The following RRP36 variants were observed in gnomAD, a reference collection of about 807,000 sequenced individuals.
RRP36 encodes ribosomal RNA processing protein 36 homolog.
A neutral mutation model predicts 39.8 loss-of-function variants in RRP36; 44 were observed. The observed-to-expected ratio is 1.10, with a 90% confidence interval of 0.87 to 1.42. The LOEUF is 1.42. Ranked by LOEUF, RRP36 falls within the 40% of genes most tolerant of loss-of-function variation. The pLI, the probability that RRP36 is intolerant of heterozygous loss-of-function variation, is 0.00. For synonymous variants in RRP36, 124 were observed against 123.1 expected (o/e 1.01, Z -0.05); for missense variants, 316 against 322.4 (o/e 0.98, Z 0.15).
chr6:43,025,263 G>A lies in RRP36; in HGVS notation c.279G>A (p.Arg93=), dbSNP rs770635700. ...GACTTGGCTTTTAATTTCTCCATAG[G>A]CCTCTGGAAATGTCAGCCAAGATCC... The part of the protein sequence containing the change: ...IQNACVADKH[R]PLEMSAKIRV... Residue 93 remains arginine (R), a splice_region_variant and synonymous_variant, in exon 3 of 7, where the codon AGG becomes AGA. Transcript: ENST00000244496. 1.2e-6 allele frequency: 2 copies of A among 1,614,100 alleles called. No individual in the cohort carries two copies. The highest frequency in any genetic ancestry group is 1.7e-6 in the Non-Finnish European group (2 of 1,180,024).
intron 6 of RRP36, among the ~76,000 whole-genome samples, chr6:43,028,696 A>G (rs1260081728): frequency 1.3e-5 from 2 of 151,478 alleles, no homozygotes; most frequent in African/African-American, 4.9e-5. Flanking sequence ...CACGCCTGTA[A>G]TCCCAGCACT....
At position 43,026,117 on chromosome 6, in the gene RRP36, T is replaced by C; in HGVS notation, c.426T>C (p.Asn142=). The change falls in exon 4 of 7, where the codon AAT becomes AAC. Residue 142 remains asparagine, a synonymous_variant. Transcript: ENST00000244496. ...TTGACAAAACATACCAATTCTTGAA[T>C]GACATCCGAGCGAAAGAGAAAGAGG... ...EVFDKTYQFL[N]DIRAKEKELV... 6.2e-7 allele frequency: 1 copy of C among 1,613,690 alleles called. No individual in the cohort carries two copies.
At chr6:43,023,633 A>G (rs552687668) in intron 1 of RRP36, among the ~76,000 whole-genome samples, 22 of 151,836 alleles carry the variant, frequency 1.4e-4, no homozygotes, top group Non-Finnish European at 3.1e-4. Flanking sequence ...CGGAGGTTGC[A>G]GTGAGCCGAG....
intron 1 of RRP36, among the ~76,000 whole-genome samples, chr6:43,023,480 G>A (rs1280297818): frequency 6.6e-6 from 1 of 151,970 alleles, no homozygotes; most frequent in Non-Finnish European, 1.5e-5. Flanking sequence ...CGGATCACAA[G>A]GTCAGGAGAT....
At chr6:43,025,916 G>A (rs1359284638) in intron 3 of RRP36, 121 bp from the exon 4 acceptor site, 4 of 641,458 alleles carry the variant, frequency 6.2e-6, no homozygotes, top group Non-Finnish European at 1.1e-5. Flanking sequence ...CTGGGCGACA[G>A]AGCGAGACTG....
Position 43,021,774 on chromosome 6 carries a change from C to T in RRP36, c.120C>T (p.Asp40=), listed in dbSNP as rs1348019389. The change falls in exon 1 of 7, where the codon GAC becomes GAT. Residue 40 remains aspartate (D), a synonymous_variant. Transcript: ENST00000244496. ...TGGAGCCCGCGGCCGTGGCCCGCGA[C>T]CTATTGAGGGGTGAGGGCATGGGGC... is the stretch of plus-strand genomic sequence containing the variant. ...GGLEPAAVAR[D]LLRGTSNMSF... The T allele has an allele frequency of 2.5e-6, 3 of 1,219,480 alleles. No individual in the cohort carries two copies. The highest frequency in any genetic ancestry group is 1.6e-5 in the African/African-American group (1 of 63,866). 75.5% of individuals were successfully genotyped at this position (1,219,480 alleles called of 1,614,324 possible).
Position 43,021,691 on chromosome 6 carries a change from G to GGGGCCC in RRP36, c.42_43insCGGGCC (p.Ala14_Gly15insArgAla). The GGGGCCC allele has an allele frequency of 8.1e-7, 1 of 1,238,600 alleles. No individual in the cohort carries two copies. Among genetic ancestry groups the GGGGCCC allele is most frequent in the Middle Eastern group, 3.1e-4 (1 of 3,200 alleles). 76.7% of individuals were successfully genotyped at this position (1,238,600 alleles called of 1,614,324 possible). ...TAACTACCGCGCCGGGGCCGGGGCC[G>GGGGCCC]GGGCCGGGGCCCGACGTCCCCGCGG... is the stretch of plus-strand genomic sequence containing the variant. On this transcript the variant is annotated inframe_insertion, in exon 1 of 7. Transcript: ENST00000244496.
At chr6:43,024,162 G>T (rs865900894) in intron 1 of RRP36, among the ~76,000 whole-genome samples, 1 of 151,972 alleles carries the variant, frequency 6.6e-6, no homozygotes, top group African/African-American at 2.4e-5. Context: ...ACGAGGGGTC[G>T]CAATTTTAAA....
In RRP36 at chr6:43,028,290, G is replaced by A. The variant is rs894251117; in HGVS notation, c.644-802G>A. ...GGTTGCAGAAAGCCTAGATTGCACT[G>A]TTGTACTCCAGCCTGGGCAACAGCG... On this transcript the variant is annotated intron_variant, in intron 6 of 6. Transcript: ENST00000244496. Among the ~76,000 whole-genome samples, 9 of 151,778 alleles carry A rather than the reference G, an allele frequency of 5.9e-5. 1 individual carries two copies. The highest frequency in any genetic ancestry group is 8.8e-5 in the Non-Finnish European group (6 of 67,916).
intron 1 of RRP36, among the ~76,000 whole-genome samples, chr6:43,022,757 C>G (rs571781911): frequency 1.3e-5 from 2 of 151,680 alleles, no homozygotes; most frequent in East Asian, 3.9e-4. Context: ...CTCAGCCTCC[C>G]GAGTAGTGGG....
intron 6 of RRP36, among the ~76,000 whole-genome samples, chr6:43,027,800 A>T (rs1024370327): frequency 1.9e-5 from 2 of 103,742 alleles, no homozygotes; most frequent in Non-Finnish European, 3.9e-5. Flanking sequence ...CACACACACA[A>T]ACACAGAGTC....
Position 43,029,225 on chromosome 6 carries a change from G to A in RRP36, c.777G>A (p.Glu259=). 1.2e-6 allele frequency: 2 copies of A among 1,614,186 alleles called. No homozygotes were observed. Among genetic ancestry groups the A allele is most frequent in the Non-Finnish European group, 8.5e-7 (1 of 1,180,014 alleles). Residue 259 remains glutamate, a synonymous_variant, in exon 7 of 7, where the codon GAG becomes GAA. Transcript: ENST00000244496. ...GGAGACATCTCCCTTTGAGCAAAGA[G>A]TAATAAGGAACTATCCTCTGCTCTG... ...KDRRHLPLSK[E]
At chr6:43,025,702 T>C (rs1326938757) in intron 3 of RRP36, among the ~76,000 whole-genome samples, 1 of 145,288 alleles carries the variant, frequency 6.9e-6, no homozygotes, top group East Asian at 2.0e-4. Context: ...AAGGCCAAGG[T>C]GGGCGAATCA....
Position 43,026,135 on chromosome 6 carries a change from G to C in RRP36, c.444G>C (p.Glu148Asp), listed in dbSNP as rs1561863286. 1.2e-6 allele frequency: 2 copies of C among 1,611,832 alleles called. No homozygotes were observed. Among genetic ancestry groups the C allele is most frequent in the South Asian group, 2.2e-5 (2 of 91,022 alleles). ...YQFLNDIRAK[E>D]KELVKKQLKK... ...TCTTGAATGACATCCGAGCGAAAGAGAAAGAGGTATACAGCTTGAGACTGG... is the reference window on the plus strand; with the variant it reads ...TCTTGAATGACATCCGAGCGAAAGACAAAGAGGTATACAGCTTGAGACTGG... The change falls in exon 4 of 7, where the codon GAG becomes GAC. Residue 148 changes from glutamate (E) to aspartate (D), a missense_variant. By Grantham distance (45) the Glu-to-Asp change is conservative (BLOSUM62 2). Transcript: ENST00000244496.
chr6:43,024,989 A>G lies in RRP36; in HGVS notation c.135A>G (p.Thr45=). 2 of 1,613,890 alleles carry G rather than the reference A, an allele frequency of 1.2e-6. No individual in the cohort carries two copies. The highest frequency in any genetic ancestry group is 3.3e-5 in the Admixed American group (2 of 60,014). Residue 45 remains threonine, a synonymous_variant, in exon 2 of 7, where the codon ACA becomes ACG. Coordinates refer to ENST00000244496, the MANE Select transcript of RRP36 (RefSeq NM_033112.4). The stretch of plus-strand genomic sequence containing the variant: ...TGTCCCTCCCCACTTCCACAGGCAC[A>G]TCTAACATGTCATTTGAGGAGCTGT... ...AAVARDLLRG[T]SNMSFEELLE...
In RRP36 at chr6:43,026,267, T is replaced by A; in HGVS notation, c.450+126T>A. On this transcript the variant is annotated intron_variant, in intron 4 of 6. Transcript: ENST00000244496. ...CAGATTTAACTCTCTCCAATTCAGT[T>A]CATATTCAAATCCTGGCTCATCAGT... 3 of 570,544 alleles carry A rather than the reference T, an allele frequency of 5.3e-6. 1 individual carries two copies. The highest frequency in any genetic ancestry group is 9.5e-6 in the Non-Finnish European group (3 of 316,836). 35.3% of individuals were successfully genotyped at this position (570,544 alleles called of 1,614,324 possible). A position where few individuals can be genotyped will look rare whatever the true frequency, so the allele number is the denominator to read the frequency against.
rs978086520 is a variant in RRP36 at position 43,028,977 on chromosome 6, T to C, written c.644-115T>C. 2.5e-5 allele frequency: 34 copies of C among 1,363,546 alleles called. 1 individual carries two copies. Among genetic ancestry groups the C allele is most frequent in the Non-Finnish European group, 2.9e-5 (29 of 992,678 alleles). 84.5% of individuals were successfully genotyped at this position (1,363,546 alleles called of 1,614,324 possible). A position where few individuals can be genotyped will look rare whatever the true frequency, so the allele number is the denominator to read the frequency against. On this transcript the variant is annotated intron_variant, in intron 6 of 6. Transcript: ENST00000244496. ...CAGAAAAAAGATAGAGGGGCACCAG[T>C]GAGCTTTAAAGAACTCATGTATCCA... is the stretch of plus-strand genomic sequence containing the variant.
chr6:43,021,845 G>T, intron 1 of RRP36, 61 bp downstream of exon 1: 1 of 1,167,754 alleles, frequency 8.6e-7, no homozygotes, highest in African/African-American at 1.6e-5. Context: ...GGGGCCCTGA[G>T]CCTGCAGAGA....
chr6:43,024,099 C>G (rs1170547132), intron 1 of RRP36, among the ~76,000 whole-genome samples: 1 of 152,180 alleles, frequency 6.6e-6, no homozygotes, highest in Admixed American at 6.5e-5. Context: ...GGTGATTGAT[C>G]TGCCTCAGCC....
Sources: allele counts gnomAD v4.1 joint callset (sites outside exome capture counted in the v4.1 genomes callset), GRCh38; gene constraint gnomAD v4.1.1; transcripts MANE v1.5; gene names NCBI Gene and HGNC (gene_info 2026-07-23, HGNC 2026-07-21).